LGR6: variants seen among roughly 807,000 people sequenced by gnomAD.
LGR6 encodes the protein leucine-rich repeat-containing G protein-coupled receptor 6.
Under a neutral mutation model 69.4 loss-of-function variants are expected in LGR6, and 45 were observed. The observed-to-expected ratio is 0.65, with a 90% CI of 0.51 to 0.83. LGR6 has a LOEUF of 0.83. Ranked by LOEUF, LGR6 falls within the 40% of genes least tolerant of loss-of-function variation. The probability of loss-of-function intolerance (pLI) is 0.00; values close to 1 mark genes in which losing one functional copy is unlikely to be tolerated. For synonymous variants in LGR6, 538 were observed against 555.0 expected, an observed-to-expected ratio of 0.97 and a Z score of 0.43; for missense variants, 1,108 against 1,246.7, an observed-to-expected ratio of 0.89 and a Z score of 1.68.
At chr1:202,266,252 T>C (rs567404058) in intron 4 of LGR6, among the ~76,000 whole-genome samples, 1 of 152,214 alleles carries the variant, frequency 6.6e-6, no homozygotes, top group East Asian at 1.9e-4. Context: ...CATGTGCTTG[T>C]AAGTTGCCCT....
chr1:202,195,982 A>C lies in LGR6; in HGVS notation c.212+1781A>C, dbSNP rs180971794. Among the ~76,000 whole-genome samples, 17 of 152,252 alleles carry C rather than the reference A, an allele frequency of 1.1e-4. No homozygotes were observed. The East Asian group carries it at 3.1e-3, about 28-fold the overall frequency. ...TGCCACAATTCCCTCGGAGCTGTGAAGTCTGCATTTGGGTTCAGTGGAGGT... is the reference window on the plus strand; with the variant it reads ...TGCCACAATTCCCTCGGAGCTGTGACGTCTGCATTTGGGTTCAGTGGAGGT... On this transcript the variant is annotated intron_variant, in intron 1 of 17. Transcript: ENST00000367278.
intron 4 of LGR6, among the ~76,000 whole-genome samples, chr1:202,262,799 G>A (rs1295665233): frequency 6.6e-6 from 1 of 151,984 alleles, no homozygotes; most frequent in Non-Finnish European, 1.5e-5. Context: ...TGCTAATTCA[G>A]TTTTTTGCTG....
At chr1:202,273,543 C>T (rs1257072657) in intron 4 of LGR6, among the ~76,000 whole-genome samples, 2 of 150,492 alleles carry the variant, frequency 1.3e-5, no homozygotes, top group East Asian at 2.0e-4. Flanking sequence ...CCACACCCTC[C>T]GCCTCCCAGG....
intron 13 of LGR6, 127 bp downstream of exon 13, chr1:202,307,066 C>G: frequency 1.2e-6 from 1 of 814,930 alleles, no homozygotes; most frequent in South Asian, 1.6e-5. Flanking sequence ...CCCAGCTCCA[C>G]AGCCCCCACC....
Position 202,301,187 on chromosome 1 carries a change from A to T in LGR6, c.881A>T (p.Gln294Leu), listed in dbSNP as rs1391715701. The T allele has an allele frequency of 1.2e-6, 2 of 1,614,220 alleles. No homozygotes were observed. The highest frequency in any genetic ancestry group is 3.3e-5 in the Admixed American group (2 of 60,030). ...QTIHFYDNPIQFVGRSAFQYL... is the reference protein window; with the variant it reads ...QTIHFYDNPILFVGRSAFQYL... ...AGACACTTTTATGATAACCCAATCCAGTTTGTGGGAAGATCGGCATTCCAG... is the reference window on the plus strand; with the variant it reads ...AGACACTTTTATGATAACCCAATCCTGTTTGTGGGAAGATCGGCATTCCAG... Residue 294 changes from glutamine (Q) to leucine (L), a missense_variant, in exon 9 of 18, where the codon CAG (glutamine) becomes CTG (leucine). Transcript: ENST00000367278.
At position 202,225,314 on chromosome 1, in the gene LGR6, G is replaced by A. The variant is rs1374715958; in HGVS notation, c.213-109G>A. On this transcript the variant is annotated intron_variant, in intron 1 of 17. Transcript: ENST00000367278. The stretch of plus-strand genomic sequence containing the variant: ...TTTGGAGTCAGAATGGCCTGGTGGG[G>A]GGTACTGTGGGAGCCTCGGAGGTCC... 5.5e-6 allele frequency: 5 copies of A among 914,184 alleles called. No homozygotes were observed. The African/African-American group carries it at 6.5e-5, about 12-fold the overall frequency. The allele number at this position is 914,184 out of a possible 1,614,324, so 56.6% of individuals were successfully genotyped here. A position where few individuals can be genotyped will look rare whatever the true frequency, so the allele number is the denominator to read the frequency against.
chr1:202,273,539 C>A (rs1403242933), intron 4 of LGR6, among the ~76,000 whole-genome samples: 2 of 150,916 alleles, frequency 1.3e-5, no homozygotes, highest in African/African-American at 4.9e-5. Context: ...CTCACCACAC[C>A]CTCCGCCTCC....
rs1461911025 is a variant in LGR6, at chr1:202,318,239, G to A, written c.1936G>A (p.Gly646Ser). ...WETGLGCRATGFLAVLGSEAS... is the reference protein window; with the variant it reads ...WETGLGCRATSFLAVLGSEAS... Reference sequence around the variant, plus strand: ...GACGGGGCTAGGCTGCCGGGCCACTGGCTTCCTGGCAGTACTTGGGTCGGA... The same window carrying A: ...GACGGGGCTAGGCTGCCGGGCCACTAGCTTCCTGGCAGTACTTGGGTCGGA... Residue 646 changes from glycine to serine, a missense_variant, in exon 18 of 18, where the codon GGC becomes AGC. Physicochemically the swap from Gly to Ser is moderately conservative, Grantham distance 56. Transcript: ENST00000367278. The A allele has an allele frequency of 6.2e-7, 1 of 1,611,804 alleles. No homozygotes were observed. The highest frequency in any genetic ancestry group is 8.5e-7 in the Non-Finnish European group (1 of 1,179,290).
At chr1:202,243,945 G>T (rs1413219404) in intron 4 of LGR6, among the ~76,000 whole-genome samples, 1 of 45,306 alleles carries the variant, frequency 2.2e-5, no homozygotes, top group African/African-American at 1.9e-4. Flanking sequence ...AAGTCTTTTT[G>T]TTGTTGTTGT....
chr1:202,241,810 C>A (rs1358878840), intron 4 of LGR6, among the ~76,000 whole-genome samples: 1 of 151,932 alleles, frequency 6.6e-6, no homozygotes, highest in Non-Finnish European at 1.5e-5. Flanking sequence ...GAGAAAACAG[C>A]CAAACAGCCC....
At chr1:202,278,047 T>C (rs1182393093) in intron 5 of LGR6, among the ~76,000 whole-genome samples, 1 of 152,100 alleles carries the variant, frequency 6.6e-6, no homozygotes, top group East Asian at 1.9e-4. Flanking sequence ...GTCGGGACTT[T>C]CAACGTCAGA....
At chr1:202,289,034 A>G (rs1318081813) in intron 6 of LGR6, among the ~76,000 whole-genome samples, 1 of 152,214 alleles carries the variant, frequency 6.6e-6, no homozygotes, top group African/African-American at 2.4e-5. Flanking sequence ...TAAGCGTGGC[A>G]AAGGCTCTCC....
chr1:202,293,619 G>C (rs559227666), intron 6 of LGR6, among the ~76,000 whole-genome samples: 7 of 152,270 alleles, frequency 4.6e-5, no homozygotes, highest in Non-Finnish European at 7.4e-5. Flanking sequence ...GGAGCGGAGA[G>C]AGTTGCAAAG....
intron 3 of LGR6, among the ~76,000 whole-genome samples, chr1:202,230,046 G>T (rs1006377282): frequency 6.6e-6 from 1 of 152,128 alleles, no homozygotes; most frequent in African/African-American, 2.4e-5. Flanking sequence ...TGTACCAGGA[G>T]ACAGTCACCT....
chr1:202,259,875 A>G (rs542556453), intron 4 of LGR6, among the ~76,000 whole-genome samples: 4 of 152,286 alleles, frequency 2.6e-5, no homozygotes, highest in South Asian at 4.1e-4. Flanking sequence ...CTGGCCAATC[A>G]TAAGGCTCAC....
rs375377887 is a variant in LGR6 at position 202,276,402 on chromosome 1, G to A, written c.525G>A (p.Thr175=). The change falls in exon 5 of 18, where the codon ACG becomes ACA. Residue 175 remains threonine, a synonymous_variant. Coordinates refer to ENST00000367278, the MANE Select transcript of LGR6 (RefSeq NM_001017403.2). ...TCTGGCTGGACGACAATGCACTCAC[G>A]GAGATCCCTGTCAGGGCCCTCAACA... ...RHLWLDDNAL[T]EIPVRALNNL... is the part of the protein sequence containing the mutation. The A allele has an allele frequency of 1.2e-4, 189 of 1,614,042 alleles. No homozygotes were observed. Among genetic ancestry groups the A allele is most frequent in the African/African-American group, 3.5e-4 (26 of 74,930 alleles).
chr1:202,240,474 G>C (rs1662094190), intron 4 of LGR6, among the ~76,000 whole-genome samples: 1 of 152,126 alleles, frequency 6.6e-6, no homozygotes, highest in East Asian at 1.9e-4. Context: ...GCCCCTCTGG[G>C]ACATGTTGAG....
intron 1 of LGR6, among the ~76,000 whole-genome samples, chr1:202,206,237 C>A (rs945962649): frequency 6.6e-6 from 1 of 152,266 alleles, no homozygotes; most frequent in Non-Finnish European, 1.5e-5. Context: ...TGGGAGGAGA[C>A]GAGAAAGGAA....
chr1:202,296,222 G>A (rs1667152739), intron 6 of LGR6, among the ~76,000 whole-genome samples: 1 of 152,066 alleles, frequency 6.6e-6, no homozygotes, highest in Non-Finnish European at 1.5e-5. Flanking sequence ...AGGGAGGGAT[G>A]CTGTAACTAA....
Sources: allele counts gnomAD v4.1 joint callset (sites outside exome capture counted in the v4.1 genomes callset), GRCh38; gene constraint gnomAD v4.1.1; transcripts MANE v1.5; gene names NCBI Gene and HGNC (gene_info 2026-07-23, HGNC 2026-07-21).